Variants in SLC1A2 observed in about 807,000 individuals in gnomAD.
SLC1A2 encodes the protein excitatory amino acid transporter 2.
In SLC1A2, 15 loss-of-function variants were observed where a neutral mutation model predicts 48.8. The observed-to-expected ratio is 0.31, with a 90% CI of 0.21 to 0.47. The LOEUF is 0.47. SLC1A2 is among the 20% of genes least tolerant of loss of function. SLC1A2 has a pLI of 0.99. For synonymous variants in SLC1A2, 279 were observed against 272.6 expected, an observed-to-expected ratio of 1.02 and a Z score of -0.23; for missense variants, 502 against 730.5, an observed-to-expected ratio of 0.69 and a Z score of 3.61.
chr11:35,415,991 T>A (rs1590296822), intron 1 of SLC1A2, among the ~76,000 whole-genome samples: 1 of 152,200 alleles, frequency 6.6e-6, no homozygotes, highest in African/African-American at 2.4e-5. Flanking sequence ...TCTCCGTAAT[T>A]CTAGCCATGA....
At chr11:35,380,357 G>A in intron 1 of SLC1A2, 1 of 398,620 alleles carries the variant, frequency 2.5e-6, no homozygotes, top group Non-Finnish European at 4.4e-6. Context: ...CCAGGTTGTA[G>A]CCCTGGTCAT....
intron 1 of SLC1A2, among the ~76,000 whole-genome samples, chr11:35,392,838 G>A (rs890978024): frequency 2.6e-5 from 4 of 152,190 alleles, no homozygotes; most frequent in African/African-American, 9.7e-5. Flanking sequence ...TATTTGGAAG[G>A]TTTTATACAT....
chr11:35,402,667 A>G (rs1487183365), intron 1 of SLC1A2, among the ~76,000 whole-genome samples: 3 of 152,168 alleles, frequency 2.0e-5, no homozygotes, highest in African/African-American at 7.2e-5. Context: ...GGGACTTGTG[A>G]CTGACACCTG....
At chr11:35,415,548 A>G (rs553464576) in intron 1 of SLC1A2, among the ~76,000 whole-genome samples, 12 of 152,344 alleles carry the variant, frequency 7.9e-5, no homozygotes, top group Admixed American at 7.8e-4. Flanking sequence ...ACTTTCCAAT[A>G]AGTCCACGCT....
rs962971206 is a variant in SLC1A2 at position 35,257,003 on chromosome 11, A to G, written c.*3891T>C. The stretch of plus-strand genomic sequence containing the variant: ...CGAAGCCTTGATTCTGACAAAAGTA[A>G]AAAAAACTATAACATCACTTTTGCT... On this transcript the variant is annotated 3_prime_UTR_variant, in exon 11 of 11. Transcript: ENST00000278379. 6.8e-6 allele frequency: 1 copy of G among 147,134 alleles called. No individual in the cohort carries two copies. The highest frequency in any genetic ancestry group is 2.7e-5 in the African/African-American group (1 of 36,806). The allele number at this position is 147,134 out of a possible 1,614,324, so 9.1% of individuals were successfully genotyped here.
intron 1 of SLC1A2, chr11:35,374,355 G>C: frequency 1.2e-6 from 1 of 868,682 alleles, no homozygotes. Context: ...TTTAAATAGC[G>C]ATGTGTTGTT....
At chr11:35,333,720 GGCACGATCTCA>G (rs1363811231) in intron 1 of SLC1A2, among the ~76,000 whole-genome samples, 1 of 151,994 alleles carries the variant, frequency 6.6e-6, no homozygotes, top group African/African-American at 2.4e-5. Flanking sequence ...GGAGTGCAGA[GGCACGATCTCA>G]GCTCACTATA....
At chr11:35,365,713 T>G (rs1853820808) in intron 1 of SLC1A2, among the ~76,000 whole-genome samples, 2 of 152,186 alleles carry the variant, frequency 1.3e-5, no homozygotes, top group African/African-American at 2.4e-5. Flanking sequence ...TTACCCAGGG[T>G]GGACTGGCCA....
intron 3 of SLC1A2, among the ~76,000 whole-genome samples, chr11:35,313,046 C>T (rs1851756429): frequency 1.3e-5 from 2 of 152,102 alleles, no homozygotes; most frequent in Admixed American, 1.3e-4. Context: ...TGAAGACATC[C>T]CATTTTTAAT....
intron 1 of SLC1A2, among the ~76,000 whole-genome samples, chr11:35,410,456 G>A (rs1006011025): frequency 1.3e-5 from 2 of 152,078 alleles, no homozygotes; most frequent in Admixed American, 1.3e-4. Flanking sequence ...TAGCTTTGTG[G>A]ACGCCTGGAT....
chr11:35,353,920 A>G (rs543536876), intron 1 of SLC1A2, among the ~76,000 whole-genome samples: 3 of 152,306 alleles, frequency 2.0e-5, no homozygotes, highest in South Asian at 4.1e-4. Context: ...TGCAATATTA[A>G]TATACATTTA....
intron 1 of SLC1A2, among the ~76,000 whole-genome samples, chr11:35,324,732 C>T (rs776367370): frequency 6.6e-6 from 1 of 152,150 alleles, no homozygotes; most frequent in Non-Finnish European, 1.5e-5. Flanking sequence ...GATAACCCCT[C>T]AAAAGACATC....
intron 1 of SLC1A2, among the ~76,000 whole-genome samples, chr11:35,343,442 A>G (rs1852915871): frequency 6.6e-6 from 1 of 152,194 alleles, no homozygotes; most frequent in South Asian, 2.1e-4. Context: ...ACCTTCATGA[A>G]TATTCCACTC....
chr11:35,332,770 G>A (rs1018450830), intron 1 of SLC1A2, among the ~76,000 whole-genome samples: 1 of 152,130 alleles, frequency 6.6e-6, no homozygotes, highest in Non-Finnish European at 1.5e-5. Flanking sequence ...GAGCAGATTC[G>A]ACTCCACAGT....
chr11:35,260,778 A>T lies in SLC1A2; in HGVS notation c.*116T>A. 2 of 773,070 alleles carry T rather than the reference A, an allele frequency of 2.6e-6. No homozygotes were observed. The highest frequency in any genetic ancestry group is 4.5e-6 in the Non-Finnish European group (2 of 448,068). 47.9% of individuals were successfully genotyped at this position (773,070 alleles called of 1,614,324 possible). A position where few individuals can be genotyped will look rare whatever the true frequency, so the allele number is the denominator to read the frequency against. ...TCCTCTAAGCCTCGGCTAACAGATT[A>T]AGTAAACATAGAAATATACGCATTT... On this transcript the variant is annotated 3_prime_UTR_variant, in exon 11 of 11. Coordinates refer to ENST00000278379, the MANE Select transcript of SLC1A2 (RefSeq NM_004171.4).
intron 1 of SLC1A2, among the ~76,000 whole-genome samples, chr11:35,411,460 A>T (rs1052691558): frequency 2.0e-5 from 3 of 152,170 alleles, no homozygotes; most frequent in Non-Finnish European, 2.9e-5. Context: ...ATTTTTTTAG[A>T]GACAGGATCT....
At position 35,270,002 on chromosome 11, in the gene SLC1A2, G is replaced by A. The variant is rs190851222; in HGVS notation, c.1422-4244C>T. Among the ~76,000 whole-genome samples the A allele has an allele frequency of 1.1e-3, 161 of 152,284 alleles. 1 individual carries two copies. The highest frequency in any genetic ancestry group is 3.8e-3 in the African/African-American group (160 of 41,566). On this transcript the variant is annotated intron_variant, in intron 9 of 10. Transcript: ENST00000278379. ...CACGCCTGTAATCCCAGCTACTCGGGAGGCTGAGATAGGAGAATCGTTTGA... is the reference window on the plus strand; with the variant it reads ...CACGCCTGTAATCCCAGCTACTCGGAAGGCTGAGATAGGAGAATCGTTTGA...
chr11:35,343,585 C>T (rs1308280114), intron 1 of SLC1A2, among the ~76,000 whole-genome samples: 2 of 152,140 alleles, frequency 1.3e-5, no homozygotes, highest in African/African-American at 2.4e-5. Flanking sequence ...TCACTATTTT[C>T]CTGACTAGTC....
chr11:35,266,021 AT>A (rs1950478233), intron 9 of SLC1A2, among the ~76,000 whole-genome samples: 1 of 152,220 alleles, frequency 6.6e-6, no homozygotes, highest in Non-Finnish European at 1.5e-5. Context: ...TGTCTGGCAA[AT>A]GGTAAACACC....
Sources: allele counts gnomAD v4.1 joint callset (sites outside exome capture counted in the v4.1 genomes callset), GRCh38; gene constraint gnomAD v4.1.1; transcripts MANE v1.5; gene names NCBI Gene and HGNC (gene_info 2026-07-23, HGNC 2026-07-21).